Variants in TMEM117 observed in about 807,000 individuals in gnomAD.
TMEM117 encodes transmembrane protein 117.
A neutral mutation model predicts 52.4 loss-of-function variants in TMEM117; 27 were observed. That is an observed-to-expected ratio of 0.51 (90% confidence interval 0.38 to 0.71). TMEM117 has a LOEUF of 0.71. TMEM117 is among the 30% of genes least tolerant of loss of function. TMEM117 has a pLI of 0.00. For missense variants in TMEM117, 556 were observed against 630.5 expected, an observed-to-expected ratio of 0.88 and a Z score of 1.26; for synonymous variants, 215 against 206.3, an observed-to-expected ratio of 1.04 and a Z score of -0.36.
chr12:43,831,141 T>C (rs1378706945), upstream of TMEM117, among the ~76,000 whole-genome samples: 6 of 152,238 alleles, frequency 3.9e-5, no homozygotes, highest in Non-Finnish European at 5.9e-5. Context: ...TTATGGATCA[T>C]AATTTGTCTG....
At chr12:44,352,564 C>T (rs532933291) in intron 6 of TMEM117, among the ~76,000 whole-genome samples, 5 of 152,016 alleles carry the variant, frequency 3.3e-5, no homozygotes, top group Non-Finnish European at 7.4e-5. Flanking sequence ...TTTGTCCCTG[C>T]GATAGTTTGC....
the TMEM117 span, among the ~76,000 whole-genome samples, chr12:43,800,744 A>G: frequency 6.6e-6 from 1 of 152,124 alleles, no homozygotes; most frequent in Non-Finnish European, 1.5e-5. Context: ...ACTTCAATTT[A>G]CAATGTCACT....
In TMEM117 at chr12:44,035,833, AT is replaced by A. The variant is rs567263046; in HGVS notation, c.410+91494del. Among the ~76,000 whole-genome samples the A allele has an allele frequency of 2.7e-4, 41 of 152,292 alleles. 1 individual carries two copies. The highest frequency in any genetic ancestry group is 9.4e-4 in the African/African-American group (39 of 41,568). ...AGAATGGGACCATGAATTTTCTGTC[AT>A]TTGATTCAAGATGAAAATGATGGGA... On this transcript the variant is annotated intron_variant, in intron 3 of 7. Coordinates refer to ENST00000266534, the MANE Select transcript of TMEM117 (RefSeq NM_032256.3).
intron 2 of TMEM117, among the ~76,000 whole-genome samples, chr12:43,938,892 CG>C (rs1944997555): frequency 6.6e-6 from 1 of 151,714 alleles, no homozygotes; most frequent in African/African-American, 2.4e-5. Flanking sequence ...CCCAGCTACT[CG>C]GGAGGCTGAG....
At chr12:44,121,827 T>A (rs996348856) in intron 3 of TMEM117, among the ~76,000 whole-genome samples, 1 of 152,098 alleles carries the variant, frequency 6.6e-6, no homozygotes, top group Non-Finnish European at 1.5e-5. Context: ...TAGTACCCGA[T>A]AGTAATTTTT....
At chr12:43,825,565 C>T in the TMEM117 span, among the ~76,000 whole-genome samples, 29 of 152,178 alleles carry the variant, frequency 1.9e-4, no homozygotes, top group Middle Eastern at 3.4e-3. Flanking sequence ...ATCCAATGAC[C>T]AGAATACTCC....
intron 2 of TMEM117, among the ~76,000 whole-genome samples, chr12:43,869,036 T>G (rs1177618128): frequency 2.0e-5 from 3 of 151,956 alleles, no homozygotes; most frequent in Admixed American, 1.3e-4. Context: ...TCTAAAGAGA[T>G]AAAAAGTACA....
rs187444947 is a variant in TMEM117, at chr12:43,978,039, G to A, written c.410+33697G>A. ...TAACACTTGTTGAAGGAGGGGACAT[G>A]CCTGTGAGCTGGCAATCTGGGCATT... is the stretch of plus-strand genomic sequence containing the variant. On this transcript the variant is annotated intron_variant, in intron 3 of 7. Coordinates refer to ENST00000266534, the MANE Select transcript of TMEM117 (RefSeq NM_032256.3). Among the ~76,000 whole-genome samples the A allele has an allele frequency of 2.7e-4, 41 of 152,300 alleles. 1 individual carries two copies. Among genetic ancestry groups the A allele is most frequent in the Admixed American group, 2.6e-3 (40 of 15,294 alleles).
At chr12:43,919,115 C>G (rs1944651944) in intron 2 of TMEM117, among the ~76,000 whole-genome samples, 1 of 152,156 alleles carries the variant, frequency 6.6e-6, no homozygotes, top group Admixed American at 6.6e-5. Context: ...CATCCACTCT[C>G]TTTTTAAAAA....
At chr12:43,872,717 T>G (rs912591787) in intron 2 of TMEM117, among the ~76,000 whole-genome samples, 3 of 152,218 alleles carry the variant, frequency 2.0e-5, no homozygotes, top group Non-Finnish European at 4.4e-5. Flanking sequence ...GATAATAGTG[T>G]GCTTTCCCAC....
chr12:44,271,660 C>G (rs116641453), intron 5 of TMEM117, among the ~76,000 whole-genome samples: 1,616 of 151,992 alleles, frequency 0.011, 11 homozygotes, highest in African/African-American at 0.018. Context: ...TAGAAGAAAA[C>G]ATAGGGAAAT....
intron 3 of TMEM117, among the ~76,000 whole-genome samples, chr12:44,098,705 G>C (rs1191764113): frequency 6.6e-6 from 1 of 151,992 alleles, no homozygotes; most frequent in African/African-American, 2.4e-5. Flanking sequence ...TAACTTTCTT[G>C]AGAAATAGCC....
chr12:43,828,943 G>C, the TMEM117 span, among the ~76,000 whole-genome samples: 2 of 151,748 alleles, frequency 1.3e-5, no homozygotes, highest in Non-Finnish European at 2.9e-5. Flanking sequence ...TTGGGCATTG[G>C]GATTTTTTAT....
intron 6 of TMEM117, among the ~76,000 whole-genome samples, chr12:44,341,772 CTA>C (rs1951420910): frequency 1.3e-5 from 2 of 152,100 alleles, no homozygotes; most frequent in Non-Finnish European, 2.9e-5. Flanking sequence ...CGGATAGAAA[CTA>C]TAGCAGTGTT....
chr12:43,810,849 T>C, the TMEM117 span, among the ~76,000 whole-genome samples: 2 of 152,218 alleles, frequency 1.3e-5, no homozygotes, highest in Non-Finnish European at 2.9e-5. Context: ...GTATCTGTTA[T>C]GTTTTTTCAG....
In TMEM117 at chr12:44,022,980, G is replaced by A. The variant is rs189329259; in HGVS notation, c.410+78638G>A. ...AGATCAATTATCAGACTCCAGTTCA[G>A]TGGCTTCAACATGATGCCGAGTGCT... On this transcript the variant is annotated intron_variant, in intron 3 of 7. Coordinates refer to ENST00000266534, the MANE Select transcript of TMEM117 (RefSeq NM_032256.3). Among the ~76,000 whole-genome samples, 15 of 152,288 alleles carry A rather than the reference G, an allele frequency of 9.8e-5. No homozygotes were observed. In the East Asian group the frequency reaches 2.9e-3, roughly 29 times the overall value.
chr12:43,909,603 A>G (rs1054492913), intron 2 of TMEM117, among the ~76,000 whole-genome samples: 14 of 151,542 alleles, frequency 9.2e-5, no homozygotes, highest in Non-Finnish European at 8.8e-5. Flanking sequence ...ACCGCTAGCA[A>G]GACTAATAAA....
intron 2 of TMEM117, among the ~76,000 whole-genome samples, chr12:43,916,397 T>C (rs1207100979): frequency 6.6e-6 from 1 of 152,170 alleles, no homozygotes; most frequent in African/African-American, 2.4e-5. Context: ...ATTTTGGCAG[T>C]TTTCTTATGG....
At chr12:44,323,512 C>G (rs1951159309) in intron 6 of TMEM117, among the ~76,000 whole-genome samples, 1 of 152,068 alleles carries the variant, frequency 6.6e-6, no homozygotes, top group Non-Finnish European at 1.5e-5. Context: ...CGGGCTCATC[C>G]TATTTCTTTA....
Sources: gnomAD v4.1 joint callset for allele counts (sites outside exome capture counted in the v4.1 genomes callset) on GRCh38, gnomAD v4.1.1 for gene constraint, MANE v1.5 for transcripts, NCBI Gene and HGNC (gene_info 2026-07-23, HGNC 2026-07-21) for gene names.